Variants in GPR84 observed in about 807,000 individuals in gnomAD.
GPR84 encodes G-protein coupled receptor 84.
Under a neutral mutation model 14.9 loss-of-function variants are expected in GPR84, and 8 were observed. That is an observed-to-expected ratio of 0.54 (90% CI 0.31 to 0.97). The LOEUF (loss-of-function observed/expected upper bound fraction) is 0.97. GPR84 is among the 50% of genes least tolerant of loss of function. The probability of loss-of-function intolerance (pLI) is 0.04; values close to 1 mark genes in which losing one functional copy is unlikely to be tolerated. For missense variants in GPR84, 424 were observed against 498.7 expected (o/e 0.85, Z 1.43); for synonymous variants, 164 against 198.1 (o/e 0.83, Z 1.45).
At chr12:54,364,334 C>T (rs1390986261) in intron 1 of GPR84, 59 bp downstream of exon 1, 2 of 152,878 alleles carry the variant, frequency 1.3e-5, no homozygotes, top group African/African-American at 4.8e-5. Flanking sequence ...CTGTTTGTTA[C>T]CACCTGGGAG....
chr12:54,363,038 A>T lies in GPR84; in HGVS notation c.814T>A (p.Ser272Thr). The T allele has an allele frequency of 6.2e-7, 1 of 1,614,040 alleles. No individual in the cohort carries two copies. Among genetic ancestry groups the T allele is most frequent in the Non-Finnish European group, 8.5e-7 (1 of 1,180,010 alleles). The change falls in exon 2 of 2, where the codon TCA (serine) becomes ACA (threonine). Residue 272 changes from serine to threonine, a missense_variant. Coordinates refer to ENST00000267015, the MANE Select transcript of GPR84 (RefSeq NM_020370.3). ...ATTQTLEGDS[S>T]EVGDQINSKR... ...CTGTTGATCTGGTCTCCCACTTCTG[A>T]TGAGTCCCCTTCCAGGGTCTGGGTG...
At chr12:54,352,819 C>T in the GPR84 span, among the ~76,000 whole-genome samples, 1 of 152,196 alleles carries the variant, frequency 6.6e-6, no homozygotes, top group South Asian at 2.1e-4. Context: ...AAGAAAAATA[C>T]CTGGGTGTAC....
At position 54,362,456 on chromosome 12, in the gene GPR84, G is replaced by T. The variant is rs532181208; in HGVS notation, c.*205C>A. ...ACCACACCTGAGCATTAAAAGCACAGAATTCATTTATTAATAATTAATAAT... is the reference window on the plus strand; with the variant it reads ...ACCACACCTGAGCATTAAAAGCACATAATTCATTTATTAATAATTAATAAT... On this transcript the variant is annotated 3_prime_UTR_variant, in exon 2 of 2. Transcript: ENST00000267015. This position sits in a 1 kb window ranked among gnomAD's most constrained non-coding sequence, Gnocchi z 4.0. 4 of 523,468 alleles carry T rather than the reference G, an allele frequency of 7.6e-6. No individual in the cohort carries two copies. The highest frequency in any genetic ancestry group is 6.0e-5 in the East Asian group (2 of 33,292). 32.4% of individuals were successfully genotyped at this position (523,468 alleles called of 1,614,324 possible).
Position 54,363,520 on chromosome 12 carries a change from A to AG in GPR84, c.331dup (p.Leu111ProfsTer16). ...GTAGCGTCCCAGTGCGATGAGGCAG[A>AG]GGGTCAGGATGGAGACAGAATTGGA... On this transcript the variant is annotated frameshift_variant, in exon 2 of 2. Coordinates refer to ENST00000267015, the MANE Select transcript of GPR84 (RefSeq NM_020370.3). LOFTEE classifies it high-confidence loss of function. The AG allele has an allele frequency of 6.2e-7, 1 of 1,614,022 alleles. No individual in the cohort carries two copies. Among genetic ancestry groups the AG allele is most frequent in the Non-Finnish European group, 8.5e-7 (1 of 1,179,924 alleles).
chr12:54,363,221 C>T lies in GPR84; in HGVS notation c.631G>A (p.Ala211Thr). ...TGTCGCAACTTGTATTGGTCCAGTG[C>T]CTGTGCTGCTCGTTTGACCTGGCGG... ...IHRQVKRAAQALDQYKLRQAS... is the reference protein window; with the variant it reads ...IHRQVKRAAQTLDQYKLRQAS... Residue 211 changes from alanine (A) to threonine (T), a missense_variant, in exon 2 of 2, where the codon GCA becomes ACA. By Grantham distance (58) the Ala-to-Thr change is moderately conservative. Coordinates refer to ENST00000267015, the MANE Select transcript of GPR84 (RefSeq NM_020370.3). 1 of 1,614,198 alleles carries T rather than the reference C, an allele frequency of 6.2e-7. No homozygotes were observed. Among genetic ancestry groups the T allele is most frequent in the Non-Finnish European group, 8.5e-7 (1 of 1,180,044 alleles).
At chr12:54,358,853 A>G (rs1264889450), downstream of GPR84, among the ~76,000 whole-genome samples, 1 of 151,152 alleles carries the variant, frequency 6.6e-6, no homozygotes, top group Non-Finnish European at 1.5e-5. Flanking sequence ...TTGCCCTCTC[A>G]GTTTCCCCTT....
the GPR84 span, among the ~76,000 whole-genome samples, chr12:54,354,743 C>T: frequency 6.6e-6 from 1 of 152,098 alleles, no homozygotes; most frequent in African/African-American, 2.4e-5. Context: ...CCATGCCCGG[C>T]CTATGCCTTT....
rs1954280403 is a variant in GPR84 at position 54,362,577 on chromosome 12, T to G, written c.*84A>C. 2 of 809,884 alleles carry G rather than the reference T, an allele frequency of 2.5e-6. No homozygotes were observed. Among genetic ancestry groups the G allele is most frequent in the Admixed American group, 4.6e-5 (2 of 43,382 alleles). The allele number at this position is 809,884 out of a possible 1,614,324, so 50.2% of individuals were successfully genotyped here. A position where few individuals can be genotyped will look rare whatever the true frequency, so the allele number is the denominator to read the frequency against. On this transcript the variant is annotated 3_prime_UTR_variant, in exon 2 of 2. Coordinates refer to ENST00000267015, the MANE Select transcript of GPR84 (RefSeq NM_020370.3). This position sits in a 1 kb window ranked among gnomAD's most constrained non-coding sequence, Gnocchi z 4.0. ...AGATTGTTGTGAAAATGCCCACATG[T>G]GTTATTTCACCTATTCTCCTATTAC...
the GPR84 span, among the ~76,000 whole-genome samples, chr12:54,355,610 C>A: frequency 2.0e-5 from 3 of 152,166 alleles, no homozygotes; most frequent in Admixed American, 2.0e-4. Flanking sequence ...CTGCCCACCC[C>A]CCATGCCTGC....
At chr12:54,353,468 A>C in the GPR84 span, among the ~76,000 whole-genome samples, 5 of 101,220 alleles carry the variant, frequency 4.9e-5, no homozygotes, top group African/African-American at 3.9e-5. Context: ...TTCTTTCCCT[A>C]CCCCACTGAG....
chr12:54,356,123 TGAGAGGGACTGTCCTCTAATATA>T, the GPR84 span, among the ~76,000 whole-genome samples: 1 of 152,100 alleles, frequency 6.6e-6, no homozygotes, highest in East Asian at 1.9e-4. Flanking sequence ...CTGCAACAGA[TGAGAGGGACTGTCCTCTAATATA>T]GAGAGGGACT....
rs1420900501 is a variant in GPR84 at position 54,363,298 on chromosome 12, A to G, written c.554T>C (p.Ile185Thr). The G allele has an allele frequency of 1.4e-5, 23 of 1,614,196 alleles. No individual in the cohort carries two copies. The highest frequency in any genetic ancestry group is 1.9e-5 in the Non-Finnish European group (23 of 1,180,034). The change falls in exon 2 of 2, where the codon ATC (isoleucine) becomes ACC (threonine). Residue 185 changes from isoleucine to threonine, a missense_variant. Ile to Thr is a moderately conservative substitution (Grantham distance 89). Coordinates refer to ENST00000267015, the MANE Select transcript of GPR84 (RefSeq NM_020370.3). The stretch of plus-strand genomic sequence containing the variant: ...ACTGCTGAGCCCAAGCACAAAGTAG[A>G]TGCCCATGAGGATGGTGGTGTAAGG... ...GRPYTTILMG[I>T]YFVLGLSSVG...
At chr12:54,362,018 T>A (rs11170882), downstream of GPR84, among the ~76,000 whole-genome samples, 81,629 of 152,154 alleles carry the variant, frequency 0.54, 22,266 homozygotes, top group Middle Eastern at 0.68. The surrounding 1 kb of genome is among the most constrained non-coding windows in gnomAD (Gnocchi z 4.0). Flanking sequence ...GGGGGACTGG[T>A]CCCACTGGAG....
Position 54,362,609 on chromosome 12 carries a change from A to C in GPR84, c.*52T>G, listed in dbSNP as rs1365922182. ...TCACCTATTCTCCTATTACCTGGCC[A>C]CTTTGGTCCTGGAGGAGACAGTCCT... On this transcript the variant is annotated 3_prime_UTR_variant, in exon 2 of 2. Transcript: ENST00000267015. The surrounding 1 kb of genome is among the most constrained non-coding windows in gnomAD (Gnocchi z 4.0). 4.2e-6 allele frequency: 5 copies of C among 1,179,418 alleles called. No homozygotes were observed. Among genetic ancestry groups the C allele is most frequent in the Non-Finnish European group, 6.1e-6 (5 of 820,988 alleles). 73.1% of individuals were successfully genotyped at this position (1,179,418 alleles called of 1,614,324 possible).
the GPR84 span, among the ~76,000 whole-genome samples, chr12:54,356,155 C>T: frequency 6.6e-6 from 1 of 152,090 alleles, no homozygotes. Flanking sequence ...TAGAGAGGGA[C>T]TTCTCAAGAA....
At chr12:54,360,493 G>T (rs1230600795), downstream of GPR84, among the ~76,000 whole-genome samples, 2 of 152,160 alleles carry the variant, frequency 1.3e-5, no homozygotes, top group East Asian at 3.9e-4. Flanking sequence ...ATAAACTGTT[G>T]TTCTTCATTG....
At chr12:54,360,631 C>G (rs566999966), downstream of GPR84, among the ~76,000 whole-genome samples, 1 of 152,204 alleles carries the variant, frequency 6.6e-6, no homozygotes, top group Admixed American at 6.5e-5. Context: ...ATTCCTGGAC[C>G]CTAGAAGTGT....
chr12:54,363,659 C>T lies in GPR84; in HGVS notation c.193G>A (p.Ala65Thr). Residue 65 changes from alanine (A) to threonine (T), a missense_variant, in exon 2 of 2, where the codon GCT (alanine) becomes ACT (threonine). Physicochemically the swap from Ala to Thr is moderately conservative, Grantham distance 58. Coordinates refer to ENST00000267015, the MANE Select transcript of GPR84 (RefSeq NM_020370.3). The part of the protein sequence containing the change: ...FNLLIANLTL[A>T]DLLYCTLLQP... Reference sequence around the variant, plus strand: ...AGGAGCGTGCAGTAGAGGAGATCAGCCAGTGTGAGGTTGGCTATGAGCAGG... The same window carrying T: ...AGGAGCGTGCAGTAGAGGAGATCAGTCAGTGTGAGGTTGGCTATGAGCAGG... 6.2e-7 allele frequency: 1 copy of T among 1,613,942 alleles called. No homozygotes were observed.
downstream of GPR84, among the ~76,000 whole-genome samples, chr12:54,359,942 T>C (rs531937034): frequency 0.022 from 3,323 of 151,304 alleles, 81 homozygotes; most frequent in African/African-American, 0.057. Flanking sequence ...TTTTTTTTTT[T>C]CCCCCCAGCG....
Sources: gnomAD v4.1 joint callset for allele counts (sites outside exome capture counted in the v4.1 genomes callset) on GRCh38, gnomAD v4.1.1 for gene constraint, Gnocchi (gnomAD v3.1) non-coding constraint, MANE v1.5 for transcripts, NCBI Gene and HGNC (gene_info 2026-07-23, HGNC 2026-07-21) for gene names.